Variants in MECOM observed in about 807,000 individuals in gnomAD.
MECOM encodes MDS1 and EVI1 complex locus, also known as histone-lysine N-methyltransferase MECOM.
MECOM carries 13 observed loss-of-function variants against 116.3 expected under a neutral mutation model. That is an observed-to-expected ratio of 0.11 (90% confidence interval 0.07 to 0.18). MECOM has a LOEUF of 0.18. Among genes scored for constraint, MECOM ranks in the 10% least tolerant of loss-of-function variants. MECOM has a pLI of 1.00. For synonymous variants in MECOM, 528 were observed against 535.2 expected (o/e 0.99, Z 0.19); for missense variants, 1,299 against 1,509.0 (o/e 0.86, Z 2.31).
intron 2 of MECOM, among the ~76,000 whole-genome samples, chr3:169,307,795 C>G (rs1717990663): frequency 6.6e-6 from 1 of 152,170 alleles, no homozygotes; most frequent in Non-Finnish European, 1.5e-5. Flanking sequence ...TAGGGAACCA[C>G]TGCTCCTAGT....
intron 1 of MECOM, among the ~76,000 whole-genome samples, chr3:169,478,907 G>C (rs1186389413): frequency 1.3e-5 from 2 of 152,130 alleles, no homozygotes; most frequent in Non-Finnish European, 2.9e-5. Context: ...GAACACAGTA[G>C]GACTCCACAA....
intron 1 of MECOM, among the ~76,000 whole-genome samples, chr3:169,659,373 G>A (rs936016793): frequency 9.7e-5 from 14 of 144,198 alleles, no homozygotes; most frequent in African/African-American, 3.4e-4. Context: ...CTAATGAACC[G>A]TTCCCTTCCA....
At chr3:169,138,351 C>T (rs1480498058) in intron 3 of MECOM, among the ~76,000 whole-genome samples, 1 of 152,058 alleles carries the variant, frequency 6.6e-6, no homozygotes, top group East Asian at 1.9e-4. Flanking sequence ...AGTGTTGCAT[C>T]CTAGGTATTG....
chr3:169,210,795 TATTG>T (rs1013843936), intron 2 of MECOM, among the ~76,000 whole-genome samples: 2 of 152,134 alleles, frequency 1.3e-5, no homozygotes, highest in Non-Finnish European at 2.9e-5. Flanking sequence ...CCTAAATAAT[TATTG>T]ATTATTATAG....
At chr3:169,565,227 C>T (rs1173263629) in intron 1 of MECOM, among the ~76,000 whole-genome samples, 1 of 152,122 alleles carries the variant, frequency 6.6e-6, no homozygotes, top group African/African-American at 2.4e-5. Context: ...GCACCAGGGG[C>T]AGGGGAGGCA....
At chr3:169,541,959 C>T (rs781466353) in intron 1 of MECOM, among the ~76,000 whole-genome samples, 15 of 152,148 alleles carry the variant, frequency 9.9e-5, no homozygotes, top group Non-Finnish European at 2.1e-4. Flanking sequence ...GTGTAAAGTA[C>T]TGTGCAGTTC....
At chr3:169,164,455 G>A (rs948874474) in intron 2 of MECOM, among the ~76,000 whole-genome samples, 6 of 152,044 alleles carry the variant, frequency 3.9e-5, no homozygotes, top group African/African-American at 9.7e-5. Context: ...CATGAAAACC[G>A]ACTAATACAA....
intron 1 of MECOM, among the ~76,000 whole-genome samples, chr3:169,392,276 A>G (rs1270594585): frequency 1.3e-5 from 2 of 152,232 alleles, no homozygotes; most frequent in African/African-American, 2.4e-5. Context: ...GGTAGGCTCC[A>G]TACTATGAAA....
intron 2 of MECOM, among the ~76,000 whole-genome samples, chr3:169,198,745 A>G (rs1042518990): frequency 2.0e-5 from 3 of 152,060 alleles, no homozygotes; most frequent in Non-Finnish European, 4.4e-5. Flanking sequence ...CAGTGGGGAC[A>G]GAATACCACA....
chr3:169,498,067 A>C (rs1191818447), intron 1 of MECOM, among the ~76,000 whole-genome samples: 1 of 152,148 alleles, frequency 6.6e-6, no homozygotes, highest in Non-Finnish European at 1.5e-5. Context: ...TGTTCTCTCT[A>C]TTGATTCTTC....
At chr3:169,397,107 C>T (rs567355336) in intron 1 of MECOM, among the ~76,000 whole-genome samples, 1 of 152,310 alleles carries the variant, frequency 6.6e-6, no homozygotes. Flanking sequence ...GGTCTACCTG[C>T]ACTCAGCTAG....
chr3:169,589,334 C>T (rs530328227), intron 1 of MECOM, among the ~76,000 whole-genome samples: 74 of 152,040 alleles, frequency 4.9e-4, no homozygotes, highest in Non-Finnish European at 9.4e-4. Flanking sequence ...TGAATGACAC[C>T]ACTATTCTTA....
At chr3:169,383,727 AG>A (rs1732854384) in intron 1 of MECOM, among the ~76,000 whole-genome samples, 1 of 152,226 alleles carries the variant, frequency 6.6e-6, no homozygotes, top group Non-Finnish European at 1.5e-5. Flanking sequence ...CAGTGTCTGC[AG>A]GTAAAGTATA....
At chr3:169,629,178 G>T (rs1267786441) in intron 1 of MECOM, among the ~76,000 whole-genome samples, 2 of 150,142 alleles carry the variant, frequency 1.3e-5, no homozygotes, top group Admixed American at 1.3e-4. Flanking sequence ...GGAAAAGAAG[G>T]ATATAAAAGT....
intron 1 of MECOM, among the ~76,000 whole-genome samples, chr3:169,537,718 T>TA (rs144260368): frequency 0.042 from 5,932 of 142,504 alleles, 151 homozygotes; most frequent in Non-Finnish European, 0.059. Flanking sequence ...GCAGAACATT[T>TA]AAAAAAAAAA....
chr3:169,298,583 A>G (rs1716089384), intron 2 of MECOM, among the ~76,000 whole-genome samples: 1 of 152,158 alleles, frequency 6.6e-6, no homozygotes, highest in South Asian at 2.1e-4. Context: ...GCCCTAGGGT[A>G]CTGTAATGAT....
intron 2 of MECOM, among the ~76,000 whole-genome samples, chr3:169,349,299 T>C (rs1475850497): frequency 6.6e-6 from 1 of 151,860 alleles, no homozygotes; most frequent in East Asian, 1.9e-4. Flanking sequence ...GTTAGCCTAG[T>C]AGAAATTTTC....
chr3:169,634,278 T>C (rs529550466), intron 1 of MECOM, among the ~76,000 whole-genome samples: 1 of 151,818 alleles, frequency 6.6e-6, no homozygotes, highest in Non-Finnish European at 1.5e-5. Context: ...ACCTCTTTGC[T>C]GGCAACAAGA....
At chr3:169,109,937 C>T (rs2149024492) in intron 9 of MECOM, among the ~76,000 whole-genome samples, 1 of 152,216 alleles carries the variant, frequency 6.6e-6, no homozygotes, top group South Asian at 2.1e-4. Context: ...CACTATGAAG[C>T]ATCCTTCTTT....
Sources: allele counts gnomAD v4.1 joint callset (sites outside exome capture counted in the v4.1 genomes callset), GRCh38; gene constraint gnomAD v4.1.1; transcripts MANE v1.5; gene names NCBI Gene and HGNC (gene_info 2026-07-23, HGNC 2026-07-21).